Variants in AKAP10 observed in about 807,000 individuals in gnomAD.
AKAP10 encodes the protein A-kinase anchor protein 10, mitochondrial.
Under a neutral mutation model 80.8 loss-of-function variants are expected in AKAP10, and 24 were observed. The observed-to-expected ratio is 0.30, with a 90% CI of 0.22 to 0.42. AKAP10 has a LOEUF of 0.42. AKAP10 is among the 10% of genes least tolerant of loss of function. The probability of loss-of-function intolerance (pLI) is 1.00; values close to 1 mark genes in which losing one functional copy is unlikely to be tolerated. For synonymous variants in AKAP10, 291 were observed against 277.7 expected (o/e 1.05, Z -0.48); for missense variants, 661 against 794.9 (o/e 0.83, Z 2.03).
At chr17:19,914,890 T>C (rs989430999) in intron 12 of AKAP10, among the ~76,000 whole-genome samples, 3 of 152,016 alleles carry the variant, frequency 2.0e-5, no homozygotes, top group Non-Finnish European at 4.4e-5. Flanking sequence ...GCTCAGTCCA[T>C]GAAAGGAGTG....
chr17:19,960,731 A>G (rs973254902), intron 3 of AKAP10, among the ~76,000 whole-genome samples: 1 of 152,196 alleles, frequency 6.6e-6, no homozygotes, highest in African/African-American at 2.4e-5. Flanking sequence ...GTTTCACGTC[A>G]TAAGAAACCA....
At chr17:19,963,361 A>G (rs1015048354) in intron 2 of AKAP10, among the ~76,000 whole-genome samples, 3 of 151,922 alleles carry the variant, frequency 2.0e-5, no homozygotes, top group African/African-American at 7.3e-5. Flanking sequence ...GATTACAGGC[A>G]TGAGCCACCA....
intron 14 of AKAP10, 86 bp from the exon 15 acceptor site, chr17:19,906,318 C>G: frequency 6.9e-7 from 1 of 1,447,756 alleles, no homozygotes; most frequent in Non-Finnish European, 9.5e-7. Flanking sequence ...GACACCAACA[C>G]TTAGTGTTTA....
At chr17:19,916,846 A>T (rs952538842) in intron 12 of AKAP10, among the ~76,000 whole-genome samples, 2 of 151,976 alleles carry the variant, frequency 1.3e-5, no homozygotes, top group Non-Finnish European at 2.9e-5. Flanking sequence ...CTGAGGCAGG[A>T]GAATGGCTTG....
At chr17:19,933,403 C>T (rs1391084817) in intron 9 of AKAP10, among the ~76,000 whole-genome samples, 2 of 152,312 alleles carry the variant, frequency 1.3e-5, no homozygotes, top group East Asian at 1.9e-4. Flanking sequence ...CCATCTAGCA[C>T]AGAAATACTC....
At chr17:19,912,489 A>T (rs531440086) in intron 12 of AKAP10, among the ~76,000 whole-genome samples, 1 of 152,238 alleles carries the variant, frequency 6.6e-6, no homozygotes, top group Non-Finnish European at 1.5e-5. Context: ...GTGAGCCAAC[A>T]TCGCACCACT....
chr17:19,926,653 G>A (rs1322071209), intron 10 of AKAP10, among the ~76,000 whole-genome samples: 1 of 152,050 alleles, frequency 6.6e-6, no homozygotes, highest in African/African-American at 2.4e-5. Context: ...ATGAAATTAA[G>A]AAAACAATTC....
intron 10 of AKAP10, among the ~76,000 whole-genome samples, chr17:19,925,444 A>C (rs1372999759): frequency 6.6e-6 from 1 of 152,164 alleles, no homozygotes; most frequent in Admixed American, 6.6e-5. Context: ...CTCCTCCAGC[A>C]TTCTACCTCC....
chr17:19,956,077 A>G (rs1389407034), intron 4 of AKAP10, among the ~76,000 whole-genome samples: 1 of 152,328 alleles, frequency 6.6e-6, no homozygotes, highest in African/African-American at 2.4e-5. Context: ...TAAGTTTAAC[A>G]GAGAGCATAT....
chr17:19,950,499 C>A (rs1245288116), intron 4 of AKAP10, among the ~76,000 whole-genome samples: 1 of 152,134 alleles, frequency 6.6e-6, no homozygotes. Context: ...TTGGTGGAGA[C>A]GGGGTTTCGC....
rs1349973977 is a variant in AKAP10 at position 19,917,314 on chromosome 17, T to C, written c.1834+2722A>G. Among the ~76,000 whole-genome samples the C allele has an allele frequency of 2.6e-4, 40 of 152,026 alleles. 1 individual carries two copies. The highest frequency in any genetic ancestry group is 2.6e-3 in the Admixed American group (39 of 15,254). On this transcript the variant is annotated intron_variant, in intron 12 of 14. Coordinates refer to ENST00000225737, the MANE Select transcript of AKAP10 (RefSeq NM_007202.4). ...ACAAAAAAAAACAGCTCAGAGATTT[T>C]CTATTAATACTGGGGAGGAGACCCC...
At position 19,977,656 on chromosome 17, in the gene AKAP10, C is replaced by T; in HGVS notation, c.24G>A (p.Pro8=). Residue 8 remains proline, a synonymous_variant, in exon 1 of 15, where the codon CCG becomes CCA. Coordinates refer to ENST00000225737, the MANE Select transcript of AKAP10 (RefSeq NM_007202.4). ...GACGGAGGGTGCGGGGGGACTGGCG[C>T]GGGGAGGGCCCGGCTCCCCTCATTC... The part of the protein sequence containing the change: MRGAGPS[P]RQSPRTLRPD... 4.0e-6 allele frequency: 5 copies of T among 1,235,238 alleles called. No individual in the cohort carries two copies. The highest frequency in any genetic ancestry group is 4.0e-6 in the Non-Finnish European group (4 of 987,756). 76.5% of individuals were successfully genotyped at this position (1,235,238 alleles called of 1,614,324 possible).
chr17:19,971,883 C>T (rs1242564989), intron 1 of AKAP10, among the ~76,000 whole-genome samples: 1 of 152,054 alleles, frequency 6.6e-6, no homozygotes, highest in Non-Finnish European at 1.5e-5. Flanking sequence ...TGGGAAGCAG[C>T]TCACCTGAGG....
chr17:19,926,958 T>C (rs749080942), intron 10 of AKAP10, among the ~76,000 whole-genome samples: 5 of 151,988 alleles, frequency 3.3e-5, no homozygotes, highest in African/African-American at 4.8e-5. Flanking sequence ...CTGTCTCTAC[T>C]AAAAATGCAA....
intron 1 of AKAP10, among the ~76,000 whole-genome samples, chr17:19,974,300 G>A (rs533481426): frequency 2.6e-5 from 4 of 152,200 alleles, no homozygotes; most frequent in African/African-American, 9.7e-5. Context: ...TAAGTTGAAG[G>A]TATCTACTGG....
chr17:19,918,224 C>CAAAAA (rs559332326), intron 12 of AKAP10, among the ~76,000 whole-genome samples: 3 of 85,978 alleles, frequency 3.5e-5, no homozygotes, highest in Admixed American at 2.4e-4. Context: ...CCGTCTCAAA[C>CAAAAA]AAAAAAAAAA....
chr17:19,936,415 T>A lies in AKAP10; in HGVS notation c.1338A>T (p.Gln446His). The change falls in exon 9 of 15, where the codon CAA becomes CAT. Residue 446 changes from glutamine (Q) to histidine (H), a missense_variant. Coordinates refer to ENST00000225737, the MANE Select transcript of AKAP10 (RefSeq NM_007202.4). ...CATCAAATCCAAGAGGATGTGTGGC[T>A]TGGAGGGAGAAGTACCTATGGTAAA... ...MILYDKYFSL[Q>H]ATHPLGFDDV... 1 of 1,611,400 alleles carries A rather than the reference T, an allele frequency of 6.2e-7. No individual in the cohort carries two copies. The highest frequency in any genetic ancestry group is 8.5e-7 in the Non-Finnish European group (1 of 1,177,984).
intron 5 of AKAP10, among the ~76,000 whole-genome samples, chr17:19,946,307 G>C (rs1418200745): frequency 1.2e-5 from 1 of 82,544 alleles, no homozygotes; most frequent in African/African-American, 4.4e-5. Flanking sequence ...TTTGGCAGGG[G>C]GTGAGGGCAT....
intron 1 of AKAP10, 147 bp downstream of exon 1, chr17:19,977,445 G>A (rs1174999835): frequency 7.0e-5 from 37 of 528,940 alleles, no homozygotes; most frequent in Middle Eastern, 5.3e-4. Flanking sequence ...TCCCGGAGCA[G>A]AGCAAGGCAC....
Sources: gnomAD v4.1 joint callset for allele counts (sites outside exome capture counted in the v4.1 genomes callset) on GRCh38, gnomAD v4.1.1 for gene constraint, MANE v1.5 for transcripts, NCBI Gene and HGNC (gene_info 2026-07-23, HGNC 2026-07-21) for gene names.